PLXDC2: variants seen among roughly 807,000 people sequenced by gnomAD.
PLXDC2 encodes the protein plexin domain-containing protein 2.
A neutral mutation model predicts 68.9 loss-of-function variants in PLXDC2; 40 were observed. The ratio of observed to expected loss-of-function variants is 0.58; its 90% CI spans 0.45 to 0.76. The LOEUF (loss-of-function observed/expected upper bound fraction) is 0.76, where lower values mean the gene tolerates loss of function less well. Among genes scored for constraint, PLXDC2 ranks in the 30% least tolerant of loss-of-function variants. PLXDC2 has a pLI of 0.00. For missense variants in PLXDC2, 644 were observed against 661.9 expected (o/e 0.97, Z 0.30); for synonymous variants, 243 against 234.2 (o/e 1.04, Z -0.34).
chr10:19,901,580 C>T (rs1838161995), intron 1 of PLXDC2, among the ~76,000 whole-genome samples: 1 of 151,944 alleles, frequency 6.6e-6, no homozygotes, highest in Non-Finnish European at 1.5e-5. Flanking sequence ...GATATTAATC[C>T]TTTGTCGGAT....
intron 4 of PLXDC2, among the ~76,000 whole-genome samples, chr10:20,092,893 A>C (rs762916027): frequency 3.9e-5 from 6 of 152,066 alleles, no homozygotes; most frequent in Non-Finnish European, 7.4e-5. Context: ...CCCCCAACAG[A>C]AGGCAGAAGA....
chr10:20,159,104 C>T (rs577992685), intron 6 of PLXDC2, among the ~76,000 whole-genome samples: 1 of 152,220 alleles, frequency 6.6e-6, no homozygotes, highest in East Asian at 1.9e-4. Context: ...ACATTTGAAG[C>T]CAGTGGTTTT....
intron 1 of PLXDC2, among the ~76,000 whole-genome samples, chr10:19,837,405 A>AGT (rs1836818925): frequency 6.7e-5 from 3 of 44,962 alleles, no homozygotes; most frequent in South Asian, 9.1e-4. Flanking sequence ...AGAGAGAGAG[A>AGT]GAGAGTGTGT....
chr10:19,904,100 A>G (rs548587512), intron 1 of PLXDC2, among the ~76,000 whole-genome samples: 4 of 152,176 alleles, frequency 2.6e-5, no homozygotes, highest in Non-Finnish European at 4.4e-5. Flanking sequence ...TTTGTGTCCT[A>G]TCATATGGTC....
chr10:20,089,607 C>G (rs374546184), intron 4 of PLXDC2, among the ~76,000 whole-genome samples: 1 of 152,138 alleles, frequency 6.6e-6, no homozygotes, highest in Non-Finnish European at 1.5e-5. Flanking sequence ...GAGAAAATTA[C>G]TATGGTTTTC....
chr10:19,920,171 C>T (rs1054326817), intron 1 of PLXDC2, among the ~76,000 whole-genome samples: 10 of 152,086 alleles, frequency 6.6e-5, no homozygotes, highest in Admixed American at 2.6e-4. Context: ...GCGTGTGATA[C>T]GGCAGTGCTG....
intron 1 of PLXDC2, among the ~76,000 whole-genome samples, chr10:19,851,696 C>T (rs1296113234): frequency 6.6e-6 from 1 of 152,114 alleles, no homozygotes; most frequent in Non-Finnish European, 1.5e-5. Flanking sequence ...CAGGCATGCA[C>T]CACCATACCC....
At chr10:19,928,003 G>C (rs558697327) in intron 1 of PLXDC2, among the ~76,000 whole-genome samples, 1 of 152,134 alleles carries the variant, frequency 6.6e-6, no homozygotes, top group East Asian at 1.9e-4. Flanking sequence ...GTATGCTTTT[G>C]TGCACCCATA....
intron 1 of PLXDC2, among the ~76,000 whole-genome samples, chr10:19,850,719 T>A (rs563647125): frequency 1.3e-5 from 2 of 152,286 alleles, no homozygotes; most frequent in African/African-American, 4.8e-5. Context: ...CACTGCACTT[T>A]AGGAAAGACA....
chr10:20,277,076 G>T (rs1216923291), intron 13 of PLXDC2, among the ~76,000 whole-genome samples: 1 of 151,958 alleles, frequency 6.6e-6, no homozygotes, highest in Non-Finnish European at 1.5e-5. Context: ...GTGTGCTGTG[G>T]TGGGCGGCTG....
At chr10:20,173,365 C>G (rs1386140329) in intron 7 of PLXDC2, among the ~76,000 whole-genome samples, 1 of 152,118 alleles carries the variant, frequency 6.6e-6, no homozygotes, top group Admixed American at 6.6e-5. Context: ...CATATAGTCT[C>G]TGTGTGAATG....
chr10:19,943,732 A>G (rs928262781), intron 1 of PLXDC2, among the ~76,000 whole-genome samples: 3 of 152,218 alleles, frequency 2.0e-5, no homozygotes, highest in Non-Finnish European at 4.4e-5. Flanking sequence ...CAGCCTTCTA[A>G]AGAAATACTT....
intron 2 of PLXDC2, among the ~76,000 whole-genome samples, chr10:20,005,228 C>T (rs958387849): frequency 1.3e-5 from 2 of 152,144 alleles, no homozygotes; most frequent in Non-Finnish European, 1.5e-5. Flanking sequence ...ACAGCAGCAG[C>T]CCATGAGTAT....
At chr10:20,015,928 A>G (rs1835202587) in intron 2 of PLXDC2, among the ~76,000 whole-genome samples, 1 of 152,024 alleles carries the variant, frequency 6.6e-6, no homozygotes, top group Non-Finnish European at 1.5e-5. Context: ...TTTACTAAGA[A>G]CTCATATACT....
intron 1 of PLXDC2, among the ~76,000 whole-genome samples, chr10:19,943,501 G>A (rs1469286947): frequency 6.6e-6 from 1 of 152,146 alleles, no homozygotes; most frequent in Non-Finnish European, 1.5e-5. Flanking sequence ...ATCCCATAAA[G>A]TGCTTTAGCA....
chr10:20,028,399 A>G (rs1164424116), intron 2 of PLXDC2, among the ~76,000 whole-genome samples: 1 of 152,194 alleles, frequency 6.6e-6, no homozygotes, highest in African/African-American at 2.4e-5. Flanking sequence ...ATAGAAATGC[A>G]GGTGTTATTT....
At chr10:20,262,999 T>C (rs1835828443) in intron 13 of PLXDC2, among the ~76,000 whole-genome samples, 1 of 152,210 alleles carries the variant, frequency 6.6e-6, no homozygotes, top group Non-Finnish European at 1.5e-5. Flanking sequence ...TTGCCACCCT[T>C]GGACTAATGA....
At chr10:20,267,840 C>CTT (rs58705023) in intron 13 of PLXDC2, among the ~76,000 whole-genome samples, 58 of 146,622 alleles carry the variant, frequency 4.0e-4, no homozygotes, top group African/African-American at 1.0e-3. Context: ...GCTTTTTTAT[C>CTT]TTTTTTTTTT....
At chr10:20,049,992 G>A (rs953715431) in intron 3 of PLXDC2, among the ~76,000 whole-genome samples, 8 of 152,238 alleles carry the variant, frequency 5.3e-5, no homozygotes, top group Admixed American at 3.9e-4. Flanking sequence ...AAAACAGCAT[G>A]TTACTGGTAC....
Sources: allele counts gnomAD v4.1 joint callset (sites outside exome capture counted in the v4.1 genomes callset), GRCh38; gene constraint gnomAD v4.1.1; transcripts MANE v1.5; gene names NCBI Gene and HGNC (gene_info 2026-07-23, HGNC 2026-07-21).